KIAA1217: variants seen among roughly 807,000 people sequenced by gnomAD.
KIAA1217 encodes the protein KIAA1217, also known as sickle tail protein homolog.
KIAA1217 carries 88 observed loss-of-function variants against 163.9 expected under a neutral mutation model. That is an observed-to-expected ratio of 0.54 (90% CI 0.45 to 0.64). The LOEUF (loss-of-function observed/expected upper bound fraction) is 0.64. Among genes scored for constraint, KIAA1217 ranks in the 30% least tolerant of loss-of-function variants. The probability of loss-of-function intolerance (pLI) is 0.00; values close to 1 mark genes in which losing one functional copy is unlikely to be tolerated. For missense variants in KIAA1217, 2,372 were observed against 2,475.0 expected, an observed-to-expected ratio of 0.96 and a Z score of 0.88; for synonymous variants, 903 against 923.1, an observed-to-expected ratio of 0.98 and a Z score of 0.39.
At chr10:24,410,663 C>T (rs1300823456) in intron 3 of KIAA1217, among the ~76,000 whole-genome samples, 2 of 152,202 alleles carry the variant, frequency 1.3e-5, no homozygotes, top group Non-Finnish European at 2.9e-5. Flanking sequence ...AAGTAGCCAA[C>T]ATTGATTGGA....
At chr10:23,925,168 A>G (rs1842975735) in intron 1 of KIAA1217, among the ~76,000 whole-genome samples, 1 of 152,142 alleles carries the variant, frequency 6.6e-6, no homozygotes, top group South Asian at 2.1e-4. Context: ...GGAAAGAAGG[A>G]GAAGGAGGAG....
intron 19 of KIAA1217, among the ~76,000 whole-genome samples, 193 bp from the exon 20 acceptor site, chr10:24,544,788 G>A (rs150898234): frequency 6.6e-5 from 10 of 152,268 alleles, no homozygotes; most frequent in Admixed American, 3.9e-4. Flanking sequence ...ATTAAAATCC[G>A]TTTGATCAGT....
chr10:24,055,476 G>A (rs901794811), intron 2 of KIAA1217, among the ~76,000 whole-genome samples: 2 of 152,072 alleles, frequency 1.3e-5, no homozygotes, highest in Non-Finnish European at 2.9e-5. Flanking sequence ...TACTCCTCCT[G>A]AAGAAGAAAG....
intron 2 of KIAA1217, among the ~76,000 whole-genome samples, chr10:24,358,612 T>A (rs891441597): frequency 7.2e-5 from 11 of 152,230 alleles, no homozygotes; most frequent in African/African-American, 2.4e-4. Context: ...GGGTGGATAT[T>A]GAGACACAAA....
chr10:24,002,404 G>A (rs937506624), intron 1 of KIAA1217, among the ~76,000 whole-genome samples: 31 of 152,000 alleles, frequency 2.0e-4, no homozygotes, highest in African/African-American at 7.5e-4. Flanking sequence ...CTCTAACCAC[G>A]GAGGCACTTT....
At chr10:23,810,482 C>T (rs1193033759) in intron 1 of KIAA1217, among the ~76,000 whole-genome samples, 1 of 137,316 alleles carries the variant, frequency 7.3e-6, no homozygotes, top group Non-Finnish European at 1.5e-5. Context: ...TATATATATA[C>T]TATATTATAC....
chr10:24,151,701 C>T (rs192860414), intron 2 of KIAA1217, among the ~76,000 whole-genome samples: 89 of 151,568 alleles, frequency 5.9e-4, no homozygotes, highest in African/African-American at 1.7e-3. Context: ...AGTGGTACCA[C>T]GGAAGGCCCC....
intron 2 of KIAA1217, among the ~76,000 whole-genome samples, chr10:24,337,090 C>T (rs529687954): frequency 9.2e-5 from 14 of 152,106 alleles, no homozygotes; most frequent in Non-Finnish European, 1.6e-4. Context: ...AACTTTTATG[C>T]GTCAAAGGAC....
intron 2 of KIAA1217, among the ~76,000 whole-genome samples, chr10:24,131,056 A>C (rs2063635299): frequency 6.6e-6 from 1 of 152,238 alleles, no homozygotes; most frequent in Non-Finnish European, 1.5e-5. Flanking sequence ...TTAGTTAAAG[A>C]ATTATTACAG....
chr10:23,984,919 A>G (rs960151948), intron 1 of KIAA1217, among the ~76,000 whole-genome samples: 102 of 151,188 alleles, frequency 6.7e-4, no homozygotes, highest in African/African-American at 2.4e-3. Context: ...CCCAGAACTT[A>G]AAGTATTAAA....
intron 2 of KIAA1217, among the ~76,000 whole-genome samples, chr10:24,066,511 A>G (rs184551394): frequency 6.6e-6 from 1 of 152,146 alleles, no homozygotes; most frequent in African/African-American, 2.4e-5. Context: ...CCGAGAGATT[A>G]TCTGTTAGTC....
chr10:24,005,652 A>C (rs1846959933), intron 1 of KIAA1217, among the ~76,000 whole-genome samples: 1 of 152,230 alleles, frequency 6.6e-6, no homozygotes, highest in South Asian at 2.1e-4. Flanking sequence ...TGTTATTACT[A>C]AAAGTGATAA....
Position 24,123,032 on chromosome 10 carries a change from A to G in KIAA1217, c.-170-96594A>G, listed in dbSNP as rs1307624705. Among the ~76,000 whole-genome samples the G allele has an allele frequency of 5.9e-5, 9 of 151,940 alleles. No homozygotes were observed. In the South Asian group the frequency reaches 1.7e-3, roughly 28 times the overall value. On this transcript the variant is annotated intron_variant, in intron 2 of 18. Transcript: ENST00000376462. ...CCATTATAAATACAGTGAAAGTACA[A>G]TTCTTTTCTCTCCCCCTTCCTTTCC... is the stretch of plus-strand genomic sequence containing the variant.
intron 2 of KIAA1217, among the ~76,000 whole-genome samples, chr10:24,300,167 A>G (rs756297046): frequency 6.6e-6 from 1 of 152,240 alleles, no homozygotes; most frequent in Non-Finnish European, 1.5e-5. Context: ...AAATGTTTGT[A>G]AGACAACATG....
chr10:23,697,290 T>G (rs1836110401), intron 1 of KIAA1217, among the ~76,000 whole-genome samples: 1 of 152,240 alleles, frequency 6.6e-6, no homozygotes, highest in Non-Finnish European at 1.5e-5. Context: ...TTCACGTATC[T>G]AATAATATTT....
chr10:24,144,876 C>T (rs901221814), intron 2 of KIAA1217, among the ~76,000 whole-genome samples: 4 of 152,218 alleles, frequency 2.6e-5, no homozygotes, highest in African/African-American at 9.7e-5. Context: ...CTTTCTCCCT[C>T]CCCTCACATT....
chr10:23,962,579 GT>G (rs1844862792), intron 1 of KIAA1217, among the ~76,000 whole-genome samples: 2 of 152,250 alleles, frequency 1.3e-5, no homozygotes, highest in South Asian at 4.1e-4. Context: ...ACTATATATT[GT>G]GTCTCAAATC....
intron 2 of KIAA1217, chr10:24,157,945 A>G: frequency 1.4e-6 from 1 of 720,024 alleles, no homozygotes; most frequent in Non-Finnish European, 2.5e-6. Context: ...CTGGATTTTG[A>G]ATGTGGAATT....
chr10:24,111,500 G>A lies in KIAA1217; in HGVS notation c.-171+104126G>A, dbSNP rs543892315. On this transcript the variant is annotated intron_variant, in intron 2 of 18. Transcript: ENST00000376462. ...AAAATCCTTGCTTATTCAGCTTTAA[G>A]GAATTAGATCTCATTGAACTAGAAA... Among the ~76,000 whole-genome samples the A allele has an allele frequency of 8.3e-4, 127 of 152,268 alleles. 2 individuals carry two copies. Among genetic ancestry groups the A allele is most frequent in the Middle Eastern group, 3.4e-3 (1 of 294 alleles).
Sources: allele counts gnomAD v4.1 joint callset (sites outside exome capture counted in the v4.1 genomes callset), GRCh38; gene constraint gnomAD v4.1.1; transcripts MANE v1.5; gene names NCBI Gene and HGNC (gene_info 2026-07-23, HGNC 2026-07-21).